The following ATP2B4 variants were observed in gnomAD, a reference collection of about 807,000 sequenced individuals.
ATP2B4 encodes the protein ATPase plasma membrane Ca2+ transporting 4.
In ATP2B4, 39 loss-of-function variants were observed where a neutral mutation model predicts 110.3. The ratio of observed to expected loss-of-function variants is 0.35; its 90% CI spans 0.27 to 0.46. ATP2B4 has a LOEUF of 0.46. Among genes scored for constraint, ATP2B4 ranks in the 20% least tolerant of loss-of-function variants. The pLI is 1.00. For missense variants in ATP2B4, 1,135 were observed against 1,530.9 expected (o/e 0.74, Z 4.32); for synonymous variants, 538 against 571.7 (o/e 0.94, Z 0.84).
intron 1 of ATP2B4, among the ~76,000 whole-genome samples, chr1:203,634,172 T>C (rs1272883677): frequency 6.6e-6 from 1 of 152,216 alleles, no homozygotes; most frequent in Non-Finnish European, 1.5e-5. Flanking sequence ...ACTATCAACA[T>C]ATCCATCACC....
chr1:203,689,186 T>G (rs1665293897), intron 2 of ATP2B4, among the ~76,000 whole-genome samples: 4 of 152,214 alleles, frequency 2.6e-5, no homozygotes, highest in Admixed American at 6.5e-5. Context: ...AAGAAGCTTT[T>G]TGTGAATCTG....
At chr1:203,723,442 C>T (rs1666401556) in intron 18 of ATP2B4, among the ~76,000 whole-genome samples, 1 of 133,622 alleles carries the variant, frequency 7.5e-6, no homozygotes, top group Admixed American at 7.7e-5. Context: ...CTCTCTCTCT[C>T]TCTCTCTCTC....
intron 17 of ATP2B4, 67 bp downstream of exon 17, chr1:203,721,477 A>C (rs1464380529): frequency 1.3e-6 from 2 of 1,505,130 alleles, no homozygotes; most frequent in African/African-American, 2.8e-5. Context: ...GAAAGAAGGT[A>C]GCGTGAGAGC....
At chr1:203,682,318 C>A (rs111680876) in intron 1 of ATP2B4, among the ~76,000 whole-genome samples, 3 of 152,176 alleles carry the variant, frequency 2.0e-5, no homozygotes, top group African/African-American at 7.2e-5. Context: ...TCACTTAGAT[C>A]TGAACTCCTT....
chr1:203,694,434 A>G (rs895826184), intron 2 of ATP2B4, among the ~76,000 whole-genome samples: 3 of 152,230 alleles, frequency 2.0e-5, no homozygotes, highest in Admixed American at 6.5e-5. Context: ...GTTTGTACAA[A>G]GACCTGAGGG....
intron 1 of ATP2B4, among the ~76,000 whole-genome samples, chr1:203,672,627 G>A (rs541875796): frequency 9.2e-5 from 14 of 152,278 alleles, no homozygotes; most frequent in South Asian, 2.1e-4. Context: ...TTCTGGAACC[G>A]TGGGGGATGG....
chr1:203,674,659 T>G lies in ATP2B4; in HGVS notation c.-464-8083T>G, dbSNP rs1317982192. 2.0e-4 allele frequency among the ~76,000 whole-genome samples: 25 copies of G among 124,726 alleles called. 1 individual carries two copies. Among genetic ancestry groups the G allele is most frequent in the Admixed American group, 8.2e-4 (10 of 12,224 alleles). 81.8% of individuals were successfully genotyped at this position (124,726 alleles called of 152,430 possible). A position where few individuals can be genotyped will look rare whatever the true frequency, so the allele number is the denominator to read the frequency against. ...TGGCTTTTTTTTTTTTTTTTTTTTTTTTTTTTTTTTTTTCTGAGATGGGGT... is the reference window on the plus strand; with the variant it reads ...TGGCTTTTTTTTTTTTTTTTTTTTTGTTTTTTTTTTTTTCTGAGATGGGGT... On this transcript the variant is annotated intron_variant, in intron 1 of 20. Transcript: ENST00000357681.
At chr1:203,659,934 T>C (rs1664281702) in intron 1 of ATP2B4, among the ~76,000 whole-genome samples, 2 of 151,820 alleles carry the variant, frequency 1.3e-5, no homozygotes, top group African/African-American at 2.4e-5. Flanking sequence ...ACACAAAAAT[T>C]AGCCGGGCGT....
intron 17 of ATP2B4, 58 bp downstream of exon 17, chr1:203,721,468 AAAG>A: frequency 6.4e-7 from 1 of 1,551,244 alleles, no homozygotes; most frequent in Non-Finnish European, 8.8e-7. Flanking sequence ...GGGGGCAGAG[AAAG>A]AAGGTAGCGT....
intron 17 of ATP2B4, among the ~76,000 whole-genome samples, chr1:203,721,919 C>T (rs1401696608): frequency 6.6e-6 from 1 of 152,020 alleles, no homozygotes; most frequent in Non-Finnish European, 1.5e-5. Context: ...CCTCAGCCCC[C>T]CAGAGTGCTG....
intron 7 of ATP2B4, among the ~76,000 whole-genome samples, chr1:203,702,941 T>G (rs1665735714): frequency 6.6e-6 from 1 of 152,156 alleles, no homozygotes; most frequent in African/African-American, 2.4e-5. Flanking sequence ...AAAAGCAAAA[T>G]GGATTTATAT....
At position 203,719,225 on chromosome 1, in the gene ATP2B4, G is replaced by GAAA. The variant is rs60841821; in HGVS notation, c.2407-1306_2407-1304dup. Reference sequence around the variant, plus strand: ...AGATGACAGAGCAAGACCCTGTCTCGAAAAAAAAAAAAAAAAAAAAGCAAG... The same window carrying GAAA: ...AGATGACAGAGCAAGACCCTGTCTCGAAAAAAAAAAAAAAAAAAAAAAAGCAAG... On this transcript the variant is annotated intron_variant, in intron 15 of 20. Transcript: ENST00000357681. Among the ~76,000 whole-genome samples the GAAA allele has an allele frequency of 2.0e-4, 11 of 54,392 alleles. 1 individual carries two copies. Among genetic ancestry groups the GAAA allele is most frequent in the African/African-American group, 7.5e-4 (10 of 13,312 alleles). 35.7% of individuals were successfully genotyped at this position (54,392 alleles called of 152,430 possible).
chr1:203,679,177 G>A (rs1056494384), intron 1 of ATP2B4, among the ~76,000 whole-genome samples: 1 of 152,046 alleles, frequency 6.6e-6, no homozygotes, highest in African/African-American at 2.4e-5. Context: ...TCAGGTGTCT[G>A]AGCAGTTCAT....
rs1312877708 is a variant in ATP2B4 at position 203,725,212 on chromosome 1, A to G, written c.3132+1224A>G. 2.0e-5 allele frequency among the ~76,000 whole-genome samples: 3 copies of G among 149,716 alleles called. No individual in the cohort carries two copies. The East Asian group carries it at 5.9e-4, about 30-fold the overall frequency. On this transcript the variant is annotated intron_variant, in intron 19 of 20. Transcript: ENST00000357681. ...GCCCAGGCTGGAGTGCAATGGTGCA[A>G]TCTTGGCTCACTGCAACCTCCACCC...
Position 203,723,863 on chromosome 1 carries a change from C to T in ATP2B4, c.3025-18C>T, listed in dbSNP as rs1396549522. 1.9e-6 allele frequency: 3 copies of T among 1,578,574 alleles called. No homozygotes were observed. Among genetic ancestry groups the T allele is most frequent in the Non-Finnish European group, 2.6e-6 (3 of 1,161,032 alleles). ...TAGTCATTTCCTTGATGGTGGGCTG[C>T]CCCTTTCTCTGTTCTAGATTTTCAT... On this transcript the variant is annotated intron_variant, in intron 18 of 20. Transcript: ENST00000357681.
chr1:203,651,716 G>A (rs1664000492), intron 1 of ATP2B4, among the ~76,000 whole-genome samples: 1 of 151,890 alleles, frequency 6.6e-6, no homozygotes, highest in South Asian at 2.1e-4. Flanking sequence ...AGCTTTGATT[G>A]CACCACTGCA....
chr1:203,655,462 A>G (rs761601414), intron 1 of ATP2B4, among the ~76,000 whole-genome samples: 2 of 152,146 alleles, frequency 1.3e-5, no homozygotes, highest in Non-Finnish European at 2.9e-5. Context: ...CCTGGCCAAC[A>G]TGGAGAAACC....
chr1:203,688,251 T>C (rs1665261236), intron 2 of ATP2B4, among the ~76,000 whole-genome samples: 1 of 151,944 alleles, frequency 6.6e-6, no homozygotes, highest in Non-Finnish European at 1.5e-5. Flanking sequence ...CCCGAAGTGC[T>C]GGGATTACAG....
intron 6 of ATP2B4, 123 bp from the exon 7 acceptor site, chr1:203,701,921 C>A: frequency 1.1e-6 from 1 of 913,082 alleles, no homozygotes; most frequent in Non-Finnish European, 1.7e-6. Flanking sequence ...ACATTTATGT[C>A]CCTTCCCTGC....
Sources: gnomAD v4.1 joint callset for allele counts (sites outside exome capture counted in the v4.1 genomes callset) on GRCh38, gnomAD v4.1.1 for gene constraint, MANE v1.5 for transcripts, NCBI Gene and HGNC (gene_info 2026-07-23, HGNC 2026-07-21) for gene names.